Variants in PTK2B observed in about 807,000 individuals in gnomAD.
PTK2B encodes protein-tyrosine kinase 2-beta.
PTK2B carries 71 observed loss-of-function variants against 142.9 expected under a neutral mutation model. The ratio of observed to expected loss-of-function variants is 0.50; its 90% CI spans 0.41 to 0.61. The LOEUF (loss-of-function observed/expected upper bound fraction) is 0.61. Ranked by LOEUF, PTK2B falls within the 20% of genes least tolerant of loss-of-function variation. PTK2B has a pLI of 0.00. For synonymous variants in PTK2B, 519 were observed against 503.4 expected, an observed-to-expected ratio of 1.03 and a Z score of -0.42; for missense variants, 1,105 against 1,320.4, an observed-to-expected ratio of 0.84 and a Z score of 2.53.
intron 2 of PTK2B, among the ~76,000 whole-genome samples, chr8:27,412,074 C>T (rs1173311809): frequency 6.6e-6 from 1 of 152,226 alleles, no homozygotes; most frequent in African/African-American, 2.4e-5. Context: ...GCCCTCCAGA[C>T]ACACCAACAA....
chr8:27,409,541 G>T (rs545816956), intron 2 of PTK2B, among the ~76,000 whole-genome samples: 3 of 152,200 alleles, frequency 2.0e-5, no homozygotes, highest in East Asian at 3.9e-4. Context: ...CAGAGGGGAT[G>T]GGACTGGAAA....
intron 24 of PTK2B, among the ~76,000 whole-genome samples, chr8:27,447,678 G>A (rs1287072918): frequency 6.6e-6 from 1 of 152,134 alleles, no homozygotes; most frequent in African/African-American, 2.4e-5. Context: ...GGCCATCATG[G>A]CAAAACCCCA....
At chr8:27,316,479 A>T (rs536334065) in intron 3 of PTK2B, among the ~76,000 whole-genome samples, 7 of 152,380 alleles carry the variant, frequency 4.6e-5, no homozygotes, top group Admixed American at 4.6e-4. Flanking sequence ...GCTAATAAAA[A>T]CAAAGCTGGT....
In PTK2B at chr8:27,397,769, C is replaced by T. The variant is rs768210361; in HGVS notation, c.185C>T (p.Thr62Ile). ...AAAAACTTCAAACTGGTCAAATGCA[C>T]TGTCCAGACGGAGATCCGGGTAAGT... is the stretch of plus-strand genomic sequence containing the variant. ...PGKNFKLVKC[T>I]VQTEIREIIT... The change falls in exon 2 of 31, where the codon ACT becomes ATT. Residue 62 changes from threonine (T) to isoleucine (I), a missense_variant. Transcript: ENST00000346049. The T allele has an allele frequency of 9.9e-6, 16 of 1,614,100 alleles. No homozygotes were observed. The highest frequency in any genetic ancestry group is 2.2e-5 in the East Asian group (1 of 44,894).
chr8:27,404,485 C>G (rs1323552302), intron 2 of PTK2B, among the ~76,000 whole-genome samples: 2 of 152,184 alleles, frequency 1.3e-5, no homozygotes, highest in South Asian at 4.1e-4. Flanking sequence ...GAGGCTGCAG[C>G]CATCCTGTGC....
intron 1 of PTK2B, among the ~76,000 whole-genome samples, chr8:27,348,533 G>A (rs1043239590): frequency 2.0e-5 from 3 of 152,104 alleles, no homozygotes; most frequent in African/African-American, 2.4e-5. Flanking sequence ...AGGGAAGTGC[G>A]ATCGCACCTC....
At chr8:27,350,993 ATATATATATAT>A (rs1805044378) in intron 1 of PTK2B, among the ~76,000 whole-genome samples, 192 of 11,458 alleles carry the variant, frequency 0.017, 51 homozygotes, top group East Asian at 0.13. Flanking sequence ...AAAAAAAAAT[ATATATATATAT>A]ATATATATAT....
Position 27,439,304 on chromosome 8 carries a change from C to T in PTK2B, c.1745-5C>T, listed in dbSNP as rs755178853. ...CTAAAAATCAACCTCTTTGCCCACCCAAAGCCTCTGTGACTCGTCTCCCCA... is the reference window on the plus strand; with the variant it reads ...CTAAAAATCAACCTCTTTGCCCACCTAAAGCCTCTGTGACTCGTCTCCCCA... On this transcript the variant is annotated splice_polypyrimidine_tract_variant and splice_region_variant and intron_variant, in intron 19 of 30. Transcript: ENST00000346049. The T allele has an allele frequency of 1.2e-6, 2 of 1,612,742 alleles. No homozygotes were observed. The highest frequency in any genetic ancestry group is 2.2e-5 in the East Asian group (1 of 44,860).
intron 23 of PTK2B, 83 bp downstream of exon 23, chr8:27,444,354 C>A: frequency 6.8e-7 from 1 of 1,473,540 alleles, no homozygotes; most frequent in Non-Finnish European, 9.4e-7. Context: ...CTTAGAGGAG[C>A]AGCAGTCACC....
At chr8:27,383,472 G>A (rs928406114) in intron 1 of PTK2B, among the ~76,000 whole-genome samples, 1 of 152,004 alleles carries the variant, frequency 6.6e-6, no homozygotes, top group African/African-American at 2.4e-5. Context: ...TCTCGAAATG[G>A]CTGGTCTCGA....
chr8:27,443,161 G>A (rs1811264007), intron 22 of PTK2B, among the ~76,000 whole-genome samples, 178 bp downstream of exon 22: 1 of 152,232 alleles, frequency 6.6e-6, no homozygotes, highest in African/African-American at 2.4e-5. Context: ...GGTGGACTTG[G>A]AGATAGCAGC....
chr8:27,339,003 C>A (rs1804237028), intron 1 of PTK2B, among the ~76,000 whole-genome samples: 1 of 152,188 alleles, frequency 6.6e-6, no homozygotes, highest in Non-Finnish European at 1.5e-5. Flanking sequence ...CTTTAATTTA[C>A]ATTTTATGGA....
intron 1 of PTK2B, among the ~76,000 whole-genome samples, chr8:27,367,861 A>AT (rs761958938): frequency 1.3e-5 from 2 of 152,352 alleles, no homozygotes; most frequent in Non-Finnish European, 2.9e-5. Flanking sequence ...TGCCATTCAT[A>AT]AAGGATCCAC....
chr8:27,447,212 T>C (rs1811526247), intron 24 of PTK2B, among the ~76,000 whole-genome samples: 1 of 152,200 alleles, frequency 6.6e-6, no homozygotes, highest in Non-Finnish European at 1.5e-5. Flanking sequence ...AGACCTTTTG[T>C]ATCAGGGCTT....
intron 2 of PTK2B, among the ~76,000 whole-genome samples, chr8:27,408,979 G>A (rs1808891437): frequency 2.6e-5 from 4 of 152,156 alleles, no homozygotes; most frequent in Admixed American, 2.6e-4. Context: ...CTCCCTGGCT[G>A]GTGATTCGCC....
At chr8:27,366,570 C>T (rs777868358) in intron 1 of PTK2B, among the ~76,000 whole-genome samples, 1 of 152,238 alleles carries the variant, frequency 6.6e-6, no homozygotes, top group Non-Finnish European at 1.5e-5. Flanking sequence ...GCAACAACTT[C>T]TAGCCTCTTC....
chr8:27,360,663 T>C lies in PTK2B; in HGVS notation c.-38+34982T>C, dbSNP rs550016596. On this transcript the variant is annotated intron_variant, in intron 1 of 30. Transcript: ENST00000346049. ...GGTGAGAGGGCAGGATTTCCTGGGG[T>C]ACGATGCCCCAATACACTGTGAACT... Among the ~76,000 whole-genome samples the C allele has an allele frequency of 6.6e-4, 101 of 152,220 alleles. 1 individual carries two copies. The highest frequency in any genetic ancestry group is 1.3e-3 in the Non-Finnish European group (85 of 67,998).
rs537270941 is a variant in PTK2B at position 27,445,163 on chromosome 8, A to T, written c.2215-631A>T. On this transcript the variant is annotated intron_variant, in intron 23 of 30. Coordinates refer to ENST00000346049, the MANE Select transcript of PTK2B (RefSeq NM_173176.3). The stretch of plus-strand genomic sequence containing the variant: ...GATGGGAGGATTCATTGAGCTCAGG[A>T]GTTTGAGACCAGCCTGGGCAATATA... Among the ~76,000 whole-genome samples the T allele has an allele frequency of 1.6e-3, 237 of 152,288 alleles. 1 individual carries two copies. Among genetic ancestry groups the T allele is most frequent in the African/African-American group, 5.5e-3 (228 of 41,562 alleles).
At position 27,422,348 on chromosome 8, in the gene PTK2B, G is replaced by A. The variant is rs1337045575; in HGVS notation, c.516G>A (p.Glu172=). The part of the protein sequence containing the change: ...YMQRYASKVS[E]GMALQLGCLE... ...AGCGCTACGCCAGCAAGGTCAGCGAGGGCATGGCCCTGCAGCTGGGCTGCC... is the reference window on the plus strand; with the variant it reads ...AGCGCTACGCCAGCAAGGTCAGCGAAGGCATGGCCCTGCAGCTGGGCTGCC... The change falls in exon 5 of 31, where the codon GAG becomes GAA. Residue 172 remains glutamate, a synonymous_variant. Transcript: ENST00000346049. 1 of 1,613,746 alleles carries A rather than the reference G, an allele frequency of 6.2e-7. No homozygotes were observed. Among genetic ancestry groups the A allele is most frequent in the East Asian group, 2.2e-5 (1 of 44,862 alleles).
Sources: allele counts gnomAD v4.1 joint callset (sites outside exome capture counted in the v4.1 genomes callset), GRCh38; gene constraint gnomAD v4.1.1; transcripts MANE v1.5; gene names NCBI Gene and HGNC (gene_info 2026-07-23, HGNC 2026-07-21).